DPP10: variants seen among roughly 807,000 people sequenced by gnomAD.
DPP10 encodes dipeptidyl peptidase like 10, also known as inactive dipeptidyl peptidase 10.
A neutral mutation model predicts 120.9 loss-of-function variants in DPP10; 33 were observed. The observed-to-expected ratio is 0.27, with a 90% CI of 0.21 to 0.37. DPP10 has a LOEUF of 0.37. Ranked by LOEUF, DPP10 falls within the 10% of genes least tolerant of loss-of-function variation. The pLI, the probability that DPP10 is intolerant of heterozygous loss-of-function variation, is 1.00. For synonymous variants in DPP10, 337 were observed against 326.1 expected, an observed-to-expected ratio of 1.03 and a Z score of -0.36; for missense variants, 816 against 942.8, an observed-to-expected ratio of 0.87 and a Z score of 1.76.
At chr2:115,321,677 TGATGTTTTAA>T (rs1253513693) in intron 2 of DPP10, among the ~76,000 whole-genome samples, 1 of 152,070 alleles carries the variant, frequency 6.6e-6, no homozygotes, top group African/African-American at 2.4e-5. Flanking sequence ...CTATGTTTGA[TGATGTTTTAA>T]ATGTGTCTTA....
intron 3 of DPP10, among the ~76,000 whole-genome samples, chr2:115,454,927 AATCT>A (rs961726675): frequency 5.9e-5 from 9 of 151,602 alleles, no homozygotes; most frequent in African/African-American, 1.9e-4. Flanking sequence ...TTCAAGGAGC[AATCT>A]AAAAATGAAA....
intron 1 of DPP10, among the ~76,000 whole-genome samples, chr2:114,864,943 G>GA (rs1186981814): frequency 6.6e-6 from 1 of 151,950 alleles, no homozygotes; most frequent in African/African-American, 2.4e-5. Flanking sequence ...ATCTCTTTAT[G>GA]AAAAAAAGGT....
chr2:115,244,600 T>G (rs1430365118), intron 1 of DPP10, among the ~76,000 whole-genome samples: 1 of 151,938 alleles, frequency 6.6e-6, no homozygotes, highest in African/African-American at 2.4e-5. Context: ...GTGCTGTAAT[T>G]AGCAGCTGAA....
chr2:114,753,121 A>T (rs13386918), intron 1 of DPP10, among the ~76,000 whole-genome samples: 23,225 of 152,104 alleles, frequency 0.15, 2,485 homozygotes, highest in African/African-American at 0.3. Context: ...GTCAAACCCA[A>T]CAATCAGGTA....
intron 1 of DPP10, among the ~76,000 whole-genome samples, chr2:115,247,587 T>C (rs1455077164): frequency 6.6e-6 from 1 of 152,138 alleles, no homozygotes; most frequent in Non-Finnish European, 1.5e-5. Flanking sequence ...ACACAACTGA[T>C]GGATAGGATA....
chr2:115,631,993 C>T (rs2085911671), intron 5 of DPP10, among the ~76,000 whole-genome samples: 2 of 152,056 alleles, frequency 1.3e-5, no homozygotes. Context: ...GATGATCTGT[C>T]TTATATTGAC....
intron 5 of DPP10, among the ~76,000 whole-genome samples, chr2:115,575,192 TAAG>T (rs2081576423): frequency 6.6e-6 from 1 of 152,136 alleles, no homozygotes; most frequent in Admixed American, 6.5e-5. Context: ...TGCAGAGAAA[TAAG>T]AGTCACCTCA....
chr2:114,667,517 T>G (rs1398136644), intron 1 of DPP10, among the ~76,000 whole-genome samples: 2 of 152,230 alleles, frequency 1.3e-5, no homozygotes, highest in Non-Finnish European at 2.9e-5. Flanking sequence ...TATTATTGCT[T>G]AGCTCTACAA....
intron 1 of DPP10, among the ~76,000 whole-genome samples, chr2:114,464,558 A>G (rs1009275968): frequency 1.3e-5 from 2 of 151,972 alleles, no homozygotes; most frequent in African/African-American, 4.8e-5. Flanking sequence ...TTATCTTTTC[A>G]TTTTCTTAAC....
intron 1 of DPP10, among the ~76,000 whole-genome samples, chr2:114,494,379 G>A (rs1011649853): frequency 6.6e-6 from 1 of 152,140 alleles, no homozygotes. Context: ...TTGCTATTAA[G>A]CTTCACTGAG....
intron 1 of DPP10, among the ~76,000 whole-genome samples, chr2:115,099,711 A>G (rs1453018369): frequency 6.6e-6 from 1 of 152,156 alleles, no homozygotes; most frequent in Non-Finnish European, 1.5e-5. Context: ...ATGGTCCCTC[A>G]TGTAGAGTGC....
At chr2:114,661,198 A>G (rs1364464512) in intron 1 of DPP10, among the ~76,000 whole-genome samples, 1 of 152,234 alleles carries the variant, frequency 6.6e-6, no homozygotes, top group African/African-American at 2.4e-5. Context: ...TGCTAAAATA[A>G]TATGAATGGC....
rs546690315 is a variant in DPP10 at position 115,055,742 on chromosome 2, G to A, written c.61-253497G>A. Among the ~76,000 whole-genome samples the A allele has an allele frequency of 1.2e-4, 18 of 152,202 alleles. 1 individual carries two copies. The South Asian group carries it at 2.3e-3, about 19-fold the overall frequency. Reference sequence around the variant, plus strand: ...CCACCCAGTTCTAGAATGAAGAGCCGACTGCATTTTGTTGCACCCAAGACA... The same window carrying A: ...CCACCCAGTTCTAGAATGAAGAGCCAACTGCATTTTGTTGCACCCAAGACA... On this transcript the variant is annotated intron_variant, in intron 1 of 25. Transcript: ENST00000410059.
At chr2:115,382,621 G>C (rs1234252789) in intron 3 of DPP10, among the ~76,000 whole-genome samples, 2 of 151,990 alleles carry the variant, frequency 1.3e-5, no homozygotes, top group African/African-American at 2.4e-5. Context: ...TAAGAAAATA[G>C]GTCTCTTCCT....
chr2:114,526,378 T>G lies in DPP10; in HGVS notation c.60+83540T>G, dbSNP rs113885617. On this transcript the variant is annotated intron_variant, in intron 1 of 25. Coordinates refer to ENST00000410059, the MANE Select transcript of DPP10 (RefSeq NM_020868.6). The stretch of plus-strand genomic sequence containing the variant: ...CAAGAGCATAAATTTTCTTTGTACT[T>G]TTATATAATCTTGTTTCTCATTTTA... Among the ~76,000 whole-genome samples, 220 of 152,314 alleles carry G rather than the reference T, an allele frequency of 1.4e-3. 3 individuals carry two copies. Among genetic ancestry groups the G allele is most frequent in the African/African-American group, 4.8e-3 (201 of 41,578 alleles).
intron 1 of DPP10, among the ~76,000 whole-genome samples, chr2:114,888,134 C>G (rs1354960067): frequency 9.7e-5 from 14 of 143,878 alleles, no homozygotes; most frequent in Admixed American, 6.2e-4. Flanking sequence ...CAGAGCGAGC[C>G]TCCGTCTCAA....
At chr2:115,078,202 T>C (rs1707954761) in intron 1 of DPP10, among the ~76,000 whole-genome samples, 1 of 152,198 alleles carries the variant, frequency 6.6e-6, no homozygotes, top group South Asian at 2.1e-4. Flanking sequence ...TAAATTAAAA[T>C]GAAACATTTA....
chr2:115,601,403 A>G (rs3903438), intron 5 of DPP10, among the ~76,000 whole-genome samples: 150,499 of 152,298 alleles, frequency 0.99, 74,388 homozygotes, highest in East Asian at 1. Flanking sequence ...AGTTACCCAA[A>G]TATAAAAACA....
chr2:114,878,915 C>T (rs1340855452), intron 1 of DPP10, among the ~76,000 whole-genome samples: 1 of 152,000 alleles, frequency 6.6e-6, no homozygotes, highest in African/African-American at 2.4e-5. Context: ...ATTATATATT[C>T]ATTTACAAGA....
Sources: allele counts gnomAD v4.1 joint callset (sites outside exome capture counted in the v4.1 genomes callset), GRCh38; gene constraint gnomAD v4.1.1; transcripts MANE v1.5; gene names NCBI Gene and HGNC (gene_info 2026-07-23, HGNC 2026-07-21).